Variants in CTNNA2 observed in about 807,000 individuals in gnomAD.
CTNNA2 encodes the protein catenin alpha 2.
Under a neutral mutation model 101.0 loss-of-function variants are expected in CTNNA2, and 42 were observed. The ratio of observed to expected loss-of-function variants is 0.42; its 90% CI spans 0.32 to 0.54. The LOEUF is 0.54. CTNNA2 is among the 20% of genes least tolerant of loss of function. The pLI is 0.14. For missense variants in CTNNA2, 871 were observed against 1,223.1 expected (o/e 0.71, Z 4.29); for synonymous variants, 450 against 456.4 (o/e 0.99, Z 0.18).
intron 2 of CTNNA2, among the ~76,000 whole-genome samples, chr2:79,258,671 G>A (rs1472362385): frequency 6.6e-6 from 1 of 151,996 alleles, no homozygotes; most frequent in African/African-American, 2.4e-5. Context: ...TGGCAGACCA[G>A]GAAGAAGTGG....
chr2:79,636,288 A>G (rs202140251), intron 1 of CTNNA2, among the ~76,000 whole-genome samples: 33,234 of 136,998 alleles, frequency 0.24, 6,393 homozygotes, highest in African/African-American at 0.47. Flanking sequence ...AAAAAAAAAA[A>G]AAAAAAAAAA....
At chr2:80,249,757 T>C (rs974971321) in intron 7 of CTNNA2, among the ~76,000 whole-genome samples, 8 of 152,292 alleles carry the variant, frequency 5.3e-5, no homozygotes, top group Admixed American at 5.2e-4. Flanking sequence ...TTGTGATCCA[T>C]ATGCGTGCAA....
intron 6 of CTNNA2, among the ~76,000 whole-genome samples, chr2:79,895,339 A>G (rs1684630674): frequency 1.3e-5 from 2 of 152,192 alleles, no homozygotes; most frequent in Admixed American, 6.5e-5. Flanking sequence ...CTCAAGGTGT[A>G]TGCATTTCCC....
At chr2:79,770,417 G>T (rs1276722635) in intron 3 of CTNNA2, among the ~76,000 whole-genome samples, 1 of 152,034 alleles carries the variant, frequency 6.6e-6, no homozygotes, top group East Asian at 1.9e-4. Flanking sequence ...CAAAAATAAG[G>T]CAATACAAAA....
chr2:80,545,168 T>C, intron 10 of CTNNA2, 94 bp downstream of exon 10: 1 of 1,163,540 alleles, frequency 8.6e-7, no homozygotes, highest in South Asian at 1.4e-5. Flanking sequence ...TTCCTCTTGC[T>C]GAAAAAGGCT....
intron 2 of CTNNA2, among the ~76,000 whole-genome samples, chr2:79,691,366 G>A (rs1266464290): frequency 6.6e-6 from 1 of 151,784 alleles, no homozygotes; most frequent in Non-Finnish European, 1.5e-5. Context: ...CTCATTTAGT[G>A]GATACCATAG....
intron 9 of CTNNA2, among the ~76,000 whole-genome samples, chr2:80,526,121 T>C (rs1332842083): frequency 1.3e-5 from 2 of 152,188 alleles, no homozygotes; most frequent in East Asian, 3.9e-4. Context: ...GTTAGGCCAC[T>C]ATAGTTCAAA....
intron 17 of CTNNA2, among the ~76,000 whole-genome samples, chr2:80,608,820 AG>A (rs1389500125): frequency 1.3e-5 from 2 of 151,876 alleles, no homozygotes; most frequent in East Asian, 3.9e-4. Context: ...AATTTAATAC[AG>A]GTTGATGTGC....
chr2:80,623,224 G>A (rs563171125), intron 18 of CTNNA2, among the ~76,000 whole-genome samples: 4 of 151,760 alleles, frequency 2.6e-5, no homozygotes, highest in African/African-American at 2.4e-5. Context: ...ATGTAATATG[G>A]GATATTCCCT....
At chr2:79,638,258 A>G (rs1680214049) in intron 1 of CTNNA2, among the ~76,000 whole-genome samples, 1 of 152,204 alleles carries the variant, frequency 6.6e-6, no homozygotes, top group Non-Finnish European at 1.5e-5. Context: ...AAAGCCATGT[A>G]GATTCATTTT....
intron 3 of CTNNA2, among the ~76,000 whole-genome samples, chr2:79,818,848 T>TATATATATATATATATATATATATATATA (rs70940046): frequency 4.4e-5 from 6 of 135,404 alleles, no homozygotes; most frequent in African/African-American, 1.4e-4. Context: ...TATATATATA[T>TATATATATATATATATATATATATATATA]GGATGTATGT....
intron 7 of CTNNA2, among the ~76,000 whole-genome samples, chr2:80,230,784 T>A (rs868794698): frequency 1.3e-5 from 2 of 152,200 alleles, no homozygotes; most frequent in South Asian, 4.1e-4. Flanking sequence ...AAACTGGAGC[T>A]ACTAGGTAGA....
Position 79,744,513 on chromosome 2 carries a change from C to T in CTNNA2, c.229C>T (p.Gln77Ter), listed in dbSNP as rs1487664380. 6.2e-7 allele frequency: 1 copy of T among 1,614,056 alleles called. No homozygotes were observed. Residue 77 changes from glutamine (Q) to a stop codon, truncating the protein, a stop_gained, in exon 3 of 19, where the codon CAG (glutamine) becomes TAG (stop). Transcript: ENST00000402739. LOFTEE classifies it high-confidence loss of function. ...ATQNFLEKGE[Q>*]IAKESQDLKE... ...TCAGAATTTCCTGGAAAAGGGTGAA[C>T]AGATCGCTAAGGAGAGTCAAGATCT...
At chr2:80,501,231 T>C (rs1009807931) in intron 9 of CTNNA2, among the ~76,000 whole-genome samples, 1 of 152,242 alleles carries the variant, frequency 6.6e-6, no homozygotes, top group Non-Finnish European at 1.5e-5. Flanking sequence ...TATGACCCAT[T>C]ATGTGAAGCA....
chr2:79,235,892 T>G (rs890993070), intron 2 of CTNNA2, among the ~76,000 whole-genome samples: 2 of 152,110 alleles, frequency 1.3e-5, no homozygotes, highest in African/African-American at 4.8e-5. Context: ...TCGAGTCACC[T>G]TCCCTGCTGT....
intron 3 of CTNNA2, among the ~76,000 whole-genome samples, chr2:79,817,187 T>C (rs1677577757): frequency 6.6e-6 from 1 of 152,070 alleles, no homozygotes; most frequent in Non-Finnish European, 1.5e-5. Flanking sequence ...CCCTTCCCCC[T>C]ACCACAACCT....
intron 7 of CTNNA2, among the ~76,000 whole-genome samples, chr2:80,284,513 A>G (rs1674606193): frequency 6.6e-6 from 1 of 152,060 alleles, no homozygotes; most frequent in Non-Finnish European, 1.5e-5. Flanking sequence ...AGTGCTCTTA[A>G]TGAAGAGCAT....
chr2:79,209,794 C>T (rs964770534), intron 2 of CTNNA2, among the ~76,000 whole-genome samples: 10 of 34,228 alleles, frequency 2.9e-4, no homozygotes, highest in African/African-American at 1.4e-3. Context: ...CCTTTCATGC[C>T]GGACTTGACT....
At chr2:80,507,714 G>T (rs1688383684) in intron 9 of CTNNA2, among the ~76,000 whole-genome samples, 1 of 152,002 alleles carries the variant, frequency 6.6e-6, no homozygotes, top group Non-Finnish European at 1.5e-5. Flanking sequence ...ACTTAGACTG[G>T]GTCTCTAAAT....
Sources: gnomAD v4.1 joint callset for allele counts (sites outside exome capture counted in the v4.1 genomes callset) on GRCh38, gnomAD v4.1.1 for gene constraint, MANE v1.5 for transcripts, NCBI Gene and HGNC (gene_info 2026-07-23, HGNC 2026-07-21) for gene names.